Variants in MFSD6 observed in about 807,000 individuals in gnomAD.
MFSD6 encodes the protein major facilitator superfamily domain-containing protein 6.
MFSD6 carries 26 observed loss-of-function variants against 56.3 expected under a neutral mutation model. The ratio of observed to expected loss-of-function variants is 0.46; its 90% CI spans 0.34 to 0.64. The LOEUF (loss-of-function observed/expected upper bound fraction) is 0.64, where lower values mean the gene tolerates loss of function less well. Among genes scored for constraint, MFSD6 ranks in the 30% least tolerant of loss-of-function variants. The pLI is 0.01. For synonymous variants in MFSD6, 331 were observed against 366.9 expected (o/e 0.90, Z 1.12); for missense variants, 750 against 986.2 (o/e 0.76, Z 3.21).
At chr2:190,440,921 C>T (rs7564829) in intron 3 of MFSD6, among the ~76,000 whole-genome samples, 71,834 of 151,938 alleles carry the variant, frequency 0.47, 17,348 homozygotes, top group Admixed American at 0.61. Context: ...CAGGATGAAC[C>T]AGAACAGATA....
In MFSD6 at chr2:190,480,366, CT is replaced by C. The variant is rs1439853371; in HGVS notation, c.1631-8290del. Reference sequence around the variant, plus strand: ...GTTGTTTAATTCATTTTTCAGCCCCCTGTATCATGTACTATAGTTAGTAGTT... The same window carrying C: ...GTTGTTTAATTCATTTTTCAGCCCCCGTATCATGTACTATAGTTAGTAGTT... On this transcript the variant is annotated intron_variant, in intron 4 of 7. Coordinates refer to ENST00000392328, the MANE Select transcript of MFSD6 (RefSeq NM_017694.4). 2.1e-5 allele frequency among the ~76,000 whole-genome samples: 3 copies of C among 145,824 alleles called. No homozygotes were observed. In the East Asian group the frequency reaches 6.2e-4, roughly 30 times the overall value.
At chr2:190,484,477 G>A (rs558214542) in intron 4 of MFSD6, among the ~76,000 whole-genome samples, 3 of 152,064 alleles carry the variant, frequency 2.0e-5, no homozygotes, top group Non-Finnish European at 4.4e-5. Flanking sequence ...GTCGTTTTCG[G>A]TAGCACAATT....
At chr2:190,473,728 C>G (rs1231358537) in intron 4 of MFSD6, among the ~76,000 whole-genome samples, 1 of 152,204 alleles carries the variant, frequency 6.6e-6, no homozygotes, top group Admixed American at 6.5e-5. Context: ...ACCTAATAGA[C>G]ATCTACAGAA....
Position 190,463,973 on chromosome 2 carries a change from A to C in MFSD6, c.1533-5785A>C, listed in dbSNP as rs1687466687. On this transcript the variant is annotated intron_variant, in intron 3 of 7. Transcript: ENST00000392328. The surrounding 1 kb of genome is among the most constrained non-coding windows in gnomAD (Gnocchi z 4.4). ...TGTGCTCCAGGGATCTGGTGTCAAC[A>C]ACCAGCTCTTTTCATTAGGAAATCT... is the stretch of plus-strand genomic sequence containing the variant. The C allele has an allele frequency of 1.2e-6, 1 of 817,766 alleles. No individual in the cohort carries two copies. Among genetic ancestry groups the C allele is most frequent in the Non-Finnish European group, 1.5e-6 (1 of 677,086 alleles). 50.7% of individuals were successfully genotyped at this position (817,766 alleles called of 1,614,324 possible).
intron 4 of MFSD6, among the ~76,000 whole-genome samples, chr2:190,483,627 G>A (rs534922679): frequency 6.6e-6 from 1 of 152,072 alleles, no homozygotes; most frequent in African/African-American, 2.4e-5. Flanking sequence ...ACGAGGTCAA[G>A]AGATCAAGAC....
In MFSD6 at chr2:190,487,209, C is replaced by T. The variant is rs11885992; in HGVS notation, c.1631-1448C>T. Among the ~76,000 whole-genome samples the T allele has an allele frequency of 4.5e-3, 676 of 151,786 alleles. 9 individuals carry two copies. The highest frequency in any genetic ancestry group is 0.016 in the African/African-American group (642 of 41,316). ...TACAAAAATTAGCTGGGGGTGGTGG[C>T]GGGCACTTGTAGTCCCAGCTACTTG... On this transcript the variant is annotated intron_variant, in intron 4 of 7. Coordinates refer to ENST00000392328, the MANE Select transcript of MFSD6 (RefSeq NM_017694.4). The surrounding 1 kb of genome is among the most constrained non-coding windows in gnomAD (Gnocchi z 5.5).
In MFSD6 at chr2:190,447,586, G is replaced by A. The variant is rs774825111; in HGVS notation, c.1532+10025G>A. ...TTGCTTATATACTTCTTAGTGCCAC[G>A]TTTTAGGCATTATAAGCTACTATCT... On this transcript the variant is annotated intron_variant, in intron 3 of 7. Transcript: ENST00000392328. This position sits in a 1 kb window ranked among gnomAD's most constrained non-coding sequence, Gnocchi z 4.5. Among the ~76,000 whole-genome samples, 1 of 152,140 alleles carries A rather than the reference G, an allele frequency of 6.6e-6. No homozygotes were observed. The highest frequency in any genetic ancestry group is 6.5e-5 in the Admixed American group (1 of 15,270).
chr2:190,466,101 C>G (rs1256380960), intron 3 of MFSD6, among the ~76,000 whole-genome samples: 4 of 152,122 alleles, frequency 2.6e-5, no homozygotes, highest in African/African-American at 9.7e-5. Flanking sequence ...TATTTCTTCC[C>G]TTGTGCCTGC....
chr2:190,437,272 A>T lies in MFSD6; in HGVS notation c.1243A>T (p.Asn415Tyr), dbSNP rs565244594. 1 of 1,614,156 alleles carries T rather than the reference A, an allele frequency of 6.2e-7. No individual in the cohort carries two copies. The highest frequency in any genetic ancestry group is 1.7e-5 in the Admixed American group (1 of 60,032). The change falls in exon 3 of 8, where the codon AAC becomes TAC. Residue 415 changes from asparagine (N) to tyrosine (Y), a missense_variant. Physicochemically the swap from Asn to Tyr is moderately radical, Grantham distance 143. This residue lies in a region of MFSD6 where 376 missense variants were observed against 437.9 expected (regional missense o/e 0.86). Transcript: ENST00000392328. The surrounding 1 kb of genome is among the most constrained non-coding windows in gnomAD (Gnocchi z 5.9). ...EVEIPQVERN[N>Y]STESSEETPT... is the part of the protein sequence containing the mutation. ...GGAGATCCCGCAGGTGGAAAGGAACAACTCTACAGAGTCCTCTGAGGAGAC... is the reference window on the plus strand; with the variant it reads ...GGAGATCCCGCAGGTGGAAAGGAACTACTCTACAGAGTCCTCTGAGGAGAC...
chr2:190,412,891 G>A lies in MFSD6; in HGVS notation c.-175-2401G>A, dbSNP rs554330107. On this transcript the variant is annotated intron_variant, in intron 1 of 7. Coordinates refer to ENST00000392328, the MANE Select transcript of MFSD6 (RefSeq NM_017694.4). This position sits in a 1 kb window ranked among gnomAD's most constrained non-coding sequence, Gnocchi z 4.1. Reference sequence around the variant, plus strand: ...TGCAAAATGGCATTGTCTCAAGTTGGCTGGGCAACTTTTGGAATCTACCAG... The same window carrying A: ...TGCAAAATGGCATTGTCTCAAGTTGACTGGGCAACTTTTGGAATCTACCAG... 1.3e-5 allele frequency among the ~76,000 whole-genome samples: 2 copies of A among 152,264 alleles called. No individual in the cohort carries two copies. Among genetic ancestry groups the A allele is most frequent in the South Asian group, 2.1e-4 (1 of 4,820 alleles).
rs1232006123 is a variant in MFSD6 at position 190,488,123 on chromosome 2, A to G, written c.1631-534A>G. Among the ~76,000 whole-genome samples the G allele has an allele frequency of 6.6e-6, 1 of 152,068 alleles. No homozygotes were observed. The highest frequency in any genetic ancestry group is 2.4e-5 in the African/African-American group (1 of 41,420). ...TCACCATGTTGGCCAGGATGGTCTC[A>G]ATCTCCTGACCTCGTGATCCACCCG... On this transcript the variant is annotated intron_variant, in intron 4 of 7. Coordinates refer to ENST00000392328, the MANE Select transcript of MFSD6 (RefSeq NM_017694.4). The surrounding 1 kb of genome is among the most constrained non-coding windows in gnomAD (Gnocchi z 6.4).
Position 190,410,796 on chromosome 2 carries a change from G to A in MFSD6, c.-176+2293G>A, listed in dbSNP as rs1379344256. On this transcript the variant is annotated intron_variant, in intron 1 of 7. Transcript: ENST00000392328. The surrounding 1 kb of genome is among the most constrained non-coding windows in gnomAD (Gnocchi z 4.4). Reference sequence around the variant, plus strand: ...AAAATGGCTGGGCAAGGTGGCTCATGCCTGTAATCCCAGCACTTTGGGAGG... The same window carrying A: ...AAAATGGCTGGGCAAGGTGGCTCATACCTGTAATCCCAGCACTTTGGGAGG... Among the ~76,000 whole-genome samples, 1 of 152,150 alleles carries A rather than the reference G, an allele frequency of 6.6e-6. No homozygotes were observed. Among genetic ancestry groups the A allele is most frequent in the Non-Finnish European group, 1.5e-5 (1 of 68,024 alleles).
chr2:190,477,510 C>A, intron 4 of MFSD6: 1 of 250,898 alleles, frequency 4.0e-6, no homozygotes, highest in Non-Finnish European at 6.3e-6. Flanking sequence ...AGAGAACATC[C>A]ATGAAACGGT....
Position 190,500,147 on chromosome 2 carries a change from C to A in MFSD6, c.2305C>A (p.His769Asn). ...AASQTQTSPA[H>N]PSVDPCTEES... ...ATCTCAGACGCAGACCAGCCCCGCT[C>A]ACCCCAGTGTGGACCCGTGCACAGA... Residue 769 changes from histidine (H) to asparagine (N), a missense_variant, in exon 8 of 8, where the codon CAC (histidine) becomes AAC (asparagine). By Grantham distance (68) the His-to-Asn change is moderately conservative. Around this residue, in one of 5 missense-constraint regions of MFSD6, gnomAD observed 172 missense variants for 203.9 expected, o/e 0.84. Transcript: ENST00000392328. The surrounding 1 kb of genome is among the most constrained non-coding windows in gnomAD (Gnocchi z 5.3). 6.2e-7 allele frequency: 1 copy of A among 1,614,190 alleles called. No homozygotes were observed. The highest frequency in any genetic ancestry group is 1.1e-5 in the South Asian group (1 of 91,080).
At chr2:190,441,673 G>C (rs1314924594) in intron 3 of MFSD6, among the ~76,000 whole-genome samples, 4 of 151,998 alleles carry the variant, frequency 2.6e-5, no homozygotes, top group South Asian at 2.1e-4. Context: ...CTCTCTCTCT[G>C]TAGCTTTCTC....
At position 190,412,113 on chromosome 2, in the gene MFSD6, A is replaced by G; in HGVS notation, c.-175-3179A>G. 1.0e-6 allele frequency: 1 copy of G among 984,326 alleles called. No homozygotes were observed. The allele number at this position is 984,326 out of a possible 1,614,324, so 61.0% of individuals were successfully genotyped here. On this transcript the variant is annotated intron_variant, in intron 1 of 7. Coordinates refer to ENST00000392328, the MANE Select transcript of MFSD6 (RefSeq NM_017694.4). This position sits in a 1 kb window ranked among gnomAD's most constrained non-coding sequence, Gnocchi z 4.1. ...TGATGCATATGTACTTGTTAAATACAGTCCCATAGTTCTATCCAATTCTAT... is the reference window on the plus strand; with the variant it reads ...TGATGCATATGTACTTGTTAAATACGGTCCCATAGTTCTATCCAATTCTAT...
In MFSD6 at chr2:190,416,532, G is replaced by T. The variant is rs1690782442; in HGVS notation, c.-54+1119G>T. On this transcript the variant is annotated intron_variant, in intron 2 of 7. Coordinates refer to ENST00000392328, the MANE Select transcript of MFSD6 (RefSeq NM_017694.4). This position sits in a 1 kb window ranked among gnomAD's most constrained non-coding sequence, Gnocchi z 4.1. ...ACCAGTGCCTCACAGGCCCCCATCAGGCTGTAGACATGAAAACAGACATGA... is the reference window on the plus strand; with the variant it reads ...ACCAGTGCCTCACAGGCCCCCATCATGCTGTAGACATGAAAACAGACATGA... Among the ~76,000 whole-genome samples the T allele has an allele frequency of 1.3e-5, 2 of 152,188 alleles. No homozygotes were observed.
rs1193826704 is a variant in MFSD6, at chr2:190,500,026, G to A, written c.2184G>A (p.Glu728=). The stretch of plus-strand genomic sequence containing the variant: ...TTTTTTACCTCCAGGGGACCAATGA[G>A]AATAGGGAAAATTCTCCTGCTGGTA... The part of the protein sequence containing the change: ...SEIQPLQGTN[E]NRENSPAGRA... The change falls in exon 8 of 8, where the codon GAG becomes GAA. Residue 728 remains glutamate (E), a synonymous_variant. Coordinates refer to ENST00000392328, the MANE Select transcript of MFSD6 (RefSeq NM_017694.4). This position sits in a 1 kb window ranked among gnomAD's most constrained non-coding sequence, Gnocchi z 5.3. 10 of 1,614,184 alleles carry A rather than the reference G, an allele frequency of 6.2e-6. No individual in the cohort carries two copies. The highest frequency in any genetic ancestry group is 8.5e-6 in the Non-Finnish European group (10 of 1,180,036).
chr2:190,474,467 A>T (rs1434300556), intron 4 of MFSD6, among the ~76,000 whole-genome samples: 1 of 152,268 alleles, frequency 6.6e-6, no homozygotes, highest in Non-Finnish European at 1.5e-5. Flanking sequence ...AAAATCTAGA[A>T]GAAATGGATA....
Sources: allele counts gnomAD v4.1 joint callset (sites outside exome capture counted in the v4.1 genomes callset), GRCh38; gene constraint gnomAD v4.1.1; regional missense constraint gnomAD v4.1.1; non-coding constraint Gnocchi (gnomAD v3.1); transcripts MANE v1.5; gene names NCBI Gene and HGNC (gene_info 2026-07-23, HGNC 2026-07-21).